The following SLC22A24 variants were observed in gnomAD, a reference collection of about 807,000 sequenced individuals.
The protein encoded by SLC22A24 is solute carrier family 22 member 24.
A neutral mutation model predicts 49.8 loss-of-function variants in SLC22A24; 53 were observed. The observed-to-expected ratio is 1.06, with a 90% confidence interval of 0.85 to 1.34. The LOEUF (loss-of-function observed/expected upper bound fraction) is 1.34. Among genes scored for constraint, SLC22A24 ranks in the 40% most tolerant of loss-of-function variants. The pLI is 0.00. For synonymous variants in SLC22A24, 302 were observed against 256.4 expected (o/e 1.18, Z -1.70); for missense variants, 786 against 675.9 (o/e 1.16, Z -1.81).
intron 2 of SLC22A24, among the ~76,000 whole-genome samples, chr11:63,129,410 G>A (rs911824227): frequency 1.3e-5 from 2 of 152,174 alleles, no homozygotes; most frequent in Admixed American, 6.5e-5. Flanking sequence ...CAGGTAGCGT[G>A]TTGCCTCCAG....
At chr11:63,096,129 A>C in intron 5 of SLC22A24, 23 bp from the exon 6 acceptor site, 1 of 1,451,032 alleles carries the variant, frequency 6.9e-7, no homozygotes, top group Non-Finnish European at 9.5e-7. Flanking sequence ...AAATAACAAC[A>C]AGCATTTGTG....
At chr11:63,118,838 C>G in intron 4 of SLC22A24, 74 bp downstream of exon 4, 1 of 1,473,988 alleles carries the variant, frequency 6.8e-7, no homozygotes, top group African/African-American at 1.4e-5. Context: ...GAACAGATCC[C>G]AGGTGTCAGA....
At chr11:63,091,627 C>T (rs958424972) in intron 6 of SLC22A24, among the ~76,000 whole-genome samples, 17 of 152,134 alleles carry the variant, frequency 1.1e-4, no homozygotes, top group Admixed American at 9.2e-4. Context: ...AAACATAATC[C>T]ATCACATAAA....
Position 63,119,261 on chromosome 11 carries a change from G to A in SLC22A24, c.581C>T (p.Pro194Leu), listed in dbSNP as rs1462320722. The A allele has an allele frequency of 1.3e-6, 2 of 1,551,532 alleles. No homozygotes were observed. The highest frequency in any genetic ancestry group is 1.7e-6 in the Non-Finnish European group (2 of 1,146,886). Reference protein sequence around the residue: ...AISNTCAAFAPTFLVYCILRF... With the variant: ...AISNTCAAFALTFLVYCILRF... ...CAGTATGCAGTAAACAAGGAAGGTGGGAGCGAAGGCCGCACAGGTGTTAGA... is the reference window on the plus strand; with the variant it reads ...CAGTATGCAGTAAACAAGGAAGGTGAGAGCGAAGGCCGCACAGGTGTTAGA... The change falls in exon 3 of 10, where the codon CCC (proline) becomes CTC (leucine). Residue 194 changes from proline (P) to leucine (L), a missense_variant. Pro to Leu is a moderately conservative substitution (Grantham distance 98). Coordinates refer to ENST00000612278, the MANE Select transcript of SLC22A24 (RefSeq NM_001136506.2).
chr11:63,087,024 G>GCGCGCGCACACA (rs376936925), intron 6 of SLC22A24, among the ~76,000 whole-genome samples: 166 of 132,628 alleles, frequency 1.3e-3, no homozygotes, highest in African/African-American at 3.3e-3. Context: ...CCTGGAGGGC[G>GCGCGCGCACACA]CACACACACA....
intron 6 of SLC22A24, among the ~76,000 whole-genome samples, chr11:63,087,024 G>GCGTGCACA (rs376936925): frequency 3.0e-5 from 4 of 132,630 alleles, no homozygotes; most frequent in Admixed American, 7.9e-5. Context: ...CCTGGAGGGC[G>GCGTGCACA]CACACACACA....
intron 4 of SLC22A24, among the ~76,000 whole-genome samples, chr11:63,113,923 G>A (rs1283892844): frequency 4.0e-5 from 6 of 151,264 alleles, no homozygotes; most frequent in African/African-American, 7.3e-5. Context: ...GGTTTCTGCC[G>A]AGAGATCTGC....
chr11:63,130,920 T>C (rs1244566425), intron 2 of SLC22A24, among the ~76,000 whole-genome samples: 3 of 152,156 alleles, frequency 2.0e-5, no homozygotes, highest in South Asian at 2.1e-4. Context: ...AGTCTTTTTG[T>C]AGGTCTTTAA....
At chr11:63,139,190 T>C (rs1413841196) in intron 1 of SLC22A24, among the ~76,000 whole-genome samples, 4 of 152,194 alleles carry the variant, frequency 2.6e-5, no homozygotes, top group Non-Finnish European at 5.9e-5. Flanking sequence ...TTTTTTTTTG[T>C]CTTGCCACTC....
chr11:63,143,332 A>T, intron 1 of SLC22A24, 46 bp downstream of exon 1: 1 of 1,400,524 alleles, frequency 7.1e-7, no homozygotes, highest in Non-Finnish European at 9.3e-7. Flanking sequence ...TGTTAACTCC[A>T]AACACTTTAA....
At chr11:63,119,952 A>G (rs1229750913) in intron 2 of SLC22A24, among the ~76,000 whole-genome samples, 1 of 150,926 alleles carries the variant, frequency 6.6e-6, no homozygotes, top group East Asian at 1.9e-4. Flanking sequence ...TCCTTCGCCC[A>G]CTTTTTGATG....
intron 1 of SLC22A24, 65 bp downstream of exon 1, chr11:63,143,313 A>G (rs2087428078): frequency 1.5e-6 from 2 of 1,351,204 alleles, no homozygotes; most frequent in Non-Finnish European, 1.9e-6. Flanking sequence ...AAGCAAGTCA[A>G]TTTTTTTGTG....
rs778875743 is a variant in SLC22A24 at position 63,143,388 on chromosome 11, A to G, written c.392T>C (p.Ile131Thr). 1 of 1,464,424 alleles carries G rather than the reference A, an allele frequency of 6.8e-7. No individual in the cohort carries two copies. Among genetic ancestry groups the G allele is most frequent in the Admixed American group, 2.5e-5 (1 of 39,768 alleles). 90.7% of individuals were successfully genotyped at this position (1,464,424 alleles called of 1,614,324 possible). The change falls in exon 1 of 10, where the codon ATC becomes ACC. Residue 131 changes from isoleucine (I) to threonine (T), a missense_variant. Ile to Thr is a moderately conservative substitution (Grantham distance 89, BLOSUM62 -1). Coordinates refer to ENST00000612278, the MANE Select transcript of SLC22A24 (RefSeq NM_001136506.2). ...CATGGGGCCTCTTACCTCAGTCACG[A>G]TGGTGGAGAGGAAAGAGCTTCTGTC... The part of the protein sequence containing the change: ...VYDRSSFLST[I>T]VTEWDLVCES...
At chr11:63,101,221 T>C (rs2087088673) in intron 5 of SLC22A24, among the ~76,000 whole-genome samples, 1 of 151,880 alleles carries the variant, frequency 6.6e-6, no homozygotes, top group Non-Finnish European at 1.5e-5. Flanking sequence ...GAATGTAAAT[T>C]AGTACAATCA....
intron 4 of SLC22A24, among the ~76,000 whole-genome samples, chr11:63,110,230 A>T: frequency 6.6e-6 from 1 of 151,962 alleles, no homozygotes; most frequent in Non-Finnish European, 1.5e-5. Flanking sequence ...TACCAGTACC[A>T]TGCTGTTTTG....
chr11:63,138,382 C>T (rs972167789), intron 1 of SLC22A24, among the ~76,000 whole-genome samples: 2 of 152,064 alleles, frequency 1.3e-5, no homozygotes, highest in Non-Finnish European at 2.9e-5. Context: ...GTGGCTTACA[C>T]CTGTAATCCC....
intron 2 of SLC22A24, among the ~76,000 whole-genome samples, chr11:63,132,196 G>T (rs2087341259): frequency 6.6e-6 from 1 of 152,048 alleles, no homozygotes; most frequent in Admixed American, 6.6e-5. Context: ...TTTTTTCAAG[G>T]TTTTTAGCTT....
At chr11:63,117,515 C>A (rs986854044) in intron 4 of SLC22A24, among the ~76,000 whole-genome samples, 4 of 152,108 alleles carry the variant, frequency 2.6e-5, no homozygotes, top group Non-Finnish European at 5.9e-5. Flanking sequence ...AGGGACTTCC[C>A]CTTTCACCTC....
chr11:63,097,249 A>G (rs150777997), intron 5 of SLC22A24, among the ~76,000 whole-genome samples: 219 of 152,222 alleles, frequency 1.4e-3, no homozygotes, highest in African/African-American at 4.8e-3. Flanking sequence ...AAACAACCCC[A>G]TCAAAAAGTG....
Sources: allele counts gnomAD v4.1 joint callset (sites outside exome capture counted in the v4.1 genomes callset), GRCh38; gene constraint gnomAD v4.1.1; transcripts MANE v1.5; gene names NCBI Gene and HGNC (gene_info 2026-07-23, HGNC 2026-07-21).